Variants in TMEM132C observed in about 807,000 individuals in gnomAD.
TMEM132C encodes protein phosphatase 1, regulatory subunit 152.
Under a neutral mutation model 61.4 loss-of-function variants are expected in TMEM132C, and 29 were observed. That is an observed-to-expected ratio of 0.47 (90% CI 0.35 to 0.64). TMEM132C has a LOEUF of 0.64. Ranked by LOEUF, TMEM132C falls within the 30% of genes least tolerant of loss-of-function variation. The pLI is 0.00. For missense variants in TMEM132C, 1,408 were observed against 1,476.9 expected (o/e 0.95, Z 0.76); for synonymous variants, 656 against 633.1 (o/e 1.04, Z -0.54).
At chr12:128,653,499 G>A (rs7138921) in intron 4 of TMEM132C, among the ~76,000 whole-genome samples, 20,303 of 152,126 alleles carry the variant, frequency 0.13, 2,554 homozygotes, top group African/African-American at 0.33. Context: ...GAGGGATATT[G>A]GTGTCAGATA....
chr12:128,475,444 A>C (rs1375539663), intron 2 of TMEM132C, among the ~76,000 whole-genome samples: 1 of 152,146 alleles, frequency 6.6e-6, no homozygotes, highest in Non-Finnish European at 1.5e-5. Flanking sequence ...ATGCGGTTGC[A>C]CTTGGGGTGA....
At chr12:128,328,664 A>G (rs1227306502) in intron 1 of TMEM132C, among the ~76,000 whole-genome samples, 1 of 151,828 alleles carries the variant, frequency 6.6e-6, no homozygotes, top group Non-Finnish European at 1.5e-5. Flanking sequence ...GCAGGCACCC[A>G]TAATCCCAGC....
At position 128,705,882 on chromosome 12, in the gene TMEM132C, G is replaced by T; in HGVS notation, c.2914G>T (p.Val972Leu). The T allele has an allele frequency of 1.3e-6, 2 of 1,551,490 alleles. No homozygotes were observed. The highest frequency in any genetic ancestry group is 1.7e-6 in the Non-Finnish European group (2 of 1,147,000). ...QASMTHSHDW[V>L]WLGNEAELLE... ...CTCCATGACCCACTCTCACGACTGG[G>T]TGTGGCTTGGCAATGAGGCCGAACT... Residue 972 changes from valine (V) to leucine (L), a missense_variant, in exon 9 of 9, where the codon GTG (valine) becomes TTG (leucine). Transcript: ENST00000435159.
At chr12:128,640,370 C>A (rs1368847985) in intron 4 of TMEM132C, among the ~76,000 whole-genome samples, 1 of 152,044 alleles carries the variant, frequency 6.6e-6, no homozygotes, top group Non-Finnish European at 1.5e-5. Context: ...TAAAAGAAAC[C>A]AGTCACAAAA....
intron 1 of TMEM132C, among the ~76,000 whole-genome samples, chr12:128,376,699 G>A (rs1415300161): frequency 2.0e-5 from 3 of 152,166 alleles, no homozygotes; most frequent in African/African-American, 7.2e-5. Flanking sequence ...CAGATGAACA[G>A]GTCTAGTAAA....
At chr12:128,636,790 C>A (rs1343691820) in intron 4 of TMEM132C, among the ~76,000 whole-genome samples, 1 of 152,096 alleles carries the variant, frequency 6.6e-6, no homozygotes, top group Non-Finnish European at 1.5e-5. Context: ...GTCGCTGGCA[C>A]CCACCATTTC....
intron 3 of TMEM132C, among the ~76,000 whole-genome samples, chr12:128,596,298 T>C (rs1449873887): frequency 6.8e-6 from 1 of 147,124 alleles, no homozygotes; most frequent in Non-Finnish European, 1.5e-5. Flanking sequence ...CAGGTCCTGG[T>C]ACAGAGGCGG....
chr12:128,545,648 G>A (rs1019292005), intron 3 of TMEM132C, among the ~76,000 whole-genome samples: 2 of 152,076 alleles, frequency 1.3e-5, no homozygotes, highest in African/African-American at 2.4e-5. Context: ...AATAATCATC[G>A]TTCTGACTGG....
At chr12:128,705,009 C>CA in intron 8 of TMEM132C, 81 bp from the exon 9 acceptor site, 1 of 1,422,620 alleles carries the variant, frequency 7.0e-7, no homozygotes, top group South Asian at 1.5e-5. Flanking sequence ...CTCCCTGTTT[C>CA]ATTGGGCGTC....
chr12:128,386,386 A>G (rs1874583879), intron 1 of TMEM132C, among the ~76,000 whole-genome samples: 1 of 152,176 alleles, frequency 6.6e-6, no homozygotes, highest in Non-Finnish European at 1.5e-5. Context: ...TTCCCCCTCC[A>G]GGGGCACAGG....
At chr12:128,336,609 A>T (rs545678673) in intron 1 of TMEM132C, among the ~76,000 whole-genome samples, 1 of 152,340 alleles carries the variant, frequency 6.6e-6, no homozygotes, top group Non-Finnish European at 1.5e-5. Flanking sequence ...GTCTACTGCT[A>T]CTATGCACAG....
chr12:128,691,648 C>G (rs1954720187), intron 5 of TMEM132C, among the ~76,000 whole-genome samples: 1 of 152,244 alleles, frequency 6.6e-6, no homozygotes, highest in Non-Finnish European at 1.5e-5. Context: ...ATTTATCCAC[C>G]AGCCATTCAC....
chr12:128,518,743 C>CGTGT, intron 2 of TMEM132C, among the ~76,000 whole-genome samples: 1 of 151,038 alleles, frequency 6.6e-6, no homozygotes, highest in Non-Finnish European at 1.5e-5. Flanking sequence ...CATGTGTGTG[C>CGTGT]GTGTGTGTGT....
At chr12:128,428,006 A>G (rs116414872) in intron 2 of TMEM132C, among the ~76,000 whole-genome samples, 6,510 of 152,254 alleles carry the variant, frequency 0.043, 444 homozygotes, top group African/African-American at 0.14. Context: ...TGTCGGTCCC[A>G]AGAGCCAGAG....
At chr12:128,448,205 C>T (rs1450026142) in intron 2 of TMEM132C, among the ~76,000 whole-genome samples, 1 of 152,170 alleles carries the variant, frequency 6.6e-6, no homozygotes, top group Non-Finnish European at 1.5e-5. Context: ...GTTGGTGGAG[C>T]TGGGATTTGA....
At chr12:128,364,336 A>G (rs530927422) in intron 1 of TMEM132C, among the ~76,000 whole-genome samples, 2 of 106,502 alleles carry the variant, frequency 1.9e-5, no homozygotes, top group South Asian at 6.6e-4. Context: ...CCCCCGCATC[A>G]TTCTCACTCA....
At chr12:128,335,513 C>T in intron 1 of TMEM132C, among the ~76,000 whole-genome samples, 1 of 152,198 alleles carries the variant, frequency 6.6e-6, no homozygotes, top group East Asian at 1.9e-4. Context: ...GATCAGTAAT[C>T]ACCAGCATTT....
intron 5 of TMEM132C, among the ~76,000 whole-genome samples, chr12:128,681,262 G>T (rs1279875322): frequency 1.3e-5 from 2 of 152,108 alleles, no homozygotes; most frequent in African/African-American, 4.8e-5. Context: ...TTACAGGTGT[G>T]AGCCACCGCA....
chr12:128,392,060 C>CTTTT (rs1743059817), intron 1 of TMEM132C, among the ~76,000 whole-genome samples: 1 of 67,310 alleles, frequency 1.5e-5, no homozygotes, highest in African/African-American at 6.9e-5. Context: ...CTGTCTCTCT[C>CTTTT]TCTTTCTCTC....
Sources: gnomAD v4.1 joint callset for allele counts (sites outside exome capture counted in the v4.1 genomes callset) on GRCh38, gnomAD v4.1.1 for gene constraint, MANE v1.5 for transcripts, NCBI Gene and HGNC (gene_info 2026-07-23, HGNC 2026-07-21) for gene names.